The following HOXD3 variants were observed in gnomAD, a reference collection of about 807,000 sequenced individuals.
The protein encoded by HOXD3 is homeobox protein Hox-D3.
In HOXD3, 13 loss-of-function variants were observed where a neutral mutation model predicts 32.8. That is an observed-to-expected ratio of 0.40 (90% CI 0.26 to 0.63). The LOEUF (loss-of-function observed/expected upper bound fraction) is 0.63. Among genes scored for constraint, HOXD3 ranks in the 20% least tolerant of loss-of-function variants. The pLI, the probability that HOXD3 is intolerant of heterozygous loss-of-function variation, is 0.44. For missense variants in HOXD3, 504 were observed against 577.1 expected, an observed-to-expected ratio of 0.87 and a Z score of 1.30; for synonymous variants, 241 against 246.8, an observed-to-expected ratio of 0.98 and a Z score of 0.22.
At position 176,169,099 on chromosome 2, in the gene HOXD3, G is replaced by A. The variant is rs753330209; in HGVS notation, c.-16G>A. On this transcript the variant is annotated 5_prime_UTR_variant, in exon 3 of 4. Transcript: ENST00000683222. Reference sequence around the variant, plus strand: ...GCAGACATTGGAGGTGGCAGTGAAGGATACAGTGGTAGTCAATGTTATTTG... The same window carrying A: ...GCAGACATTGGAGGTGGCAGTGAAGAATACAGTGGTAGTCAATGTTATTTG... The A allele has an allele frequency of 6.5e-5, 103 of 1,585,908 alleles. 1 individual carries two copies. In the Middle Eastern group the frequency reaches 8.5e-4, roughly 13 times the overall value.
chr2:176,169,343 A>G lies in HOXD3; in HGVS notation c.229A>G (p.Arg77Gly). 1 of 1,613,914 alleles carries G rather than the reference A, an allele frequency of 6.2e-7. No individual in the cohort carries two copies. Among genetic ancestry groups the G allele is most frequent in the Non-Finnish European group, 8.5e-7 (1 of 1,179,980 alleles). Residue 77 changes from arginine (R) to glycine (G), a missense_variant, in exon 3 of 4, where the codon AGA (arginine) becomes GGA (glycine). By Grantham distance (125) the Arg-to-Gly change is moderately radical. This residue lies in a region of HOXD3 where 181 missense variants were observed against 172.2 expected (regional missense o/e 1.05). Coordinates refer to ENST00000683222, the MANE Select transcript of HOXD3 (RefSeq NM_006898.5). ...CTCCATCCAGAGCTCTGCCCCTCTG[A>G]GAGCCCCAGCCCACAAAGGAGCTGA... is the stretch of plus-strand genomic sequence containing the variant. ...ACSIQSSAPL[R>G]APAHKGAELN... is the part of the protein sequence containing the mutation.
Position 176,171,863 on chromosome 2 carries a change from G to A in HOXD3, c.888G>A (p.Ala296=). The A allele has an allele frequency of 1.2e-6, 2 of 1,600,400 alleles. No homozygotes were observed. The highest frequency in any genetic ancestry group is 1.7e-6 in the Non-Finnish European group (2 of 1,173,926). The change falls in exon 4 of 4, where the codon GCG becomes GCA. Residue 296 remains alanine, a synonymous_variant. Coordinates refer to ENST00000683222, the MANE Select transcript of HOXD3 (RefSeq NM_006898.5). The part of the protein sequence containing the change: ...LPPVPGLAYD[A]PSPPAFAKSQ... ...CAGTGCCCGGCCTGGCCTACGACGC[G>A]CCCTCGCCGCCTGCTTTCGCCAAAT...
chr2:176,158,585 T>C (rs1559136595), intron 1 of HOXD3, among the ~76,000 whole-genome samples: 1 of 152,170 alleles, frequency 6.6e-6, no homozygotes, highest in Non-Finnish European at 1.5e-5. Flanking sequence ...TGTGTGCGTG[T>C]GTGTTTGTGT....
At chr2:176,155,149 G>A (rs1244739955), upstream of HOXD3, among the ~76,000 whole-genome samples, 1 of 152,112 alleles carries the variant, frequency 6.6e-6, no homozygotes, top group Non-Finnish European at 1.5e-5. Context: ...TAGGCAAGTT[G>A]GAAAGTTGCT....
At position 176,171,596 on chromosome 2, in the gene HOXD3, G is replaced by T; in HGVS notation, c.621G>T (p.Val207=). The change falls in exon 4 of 4, where the codon GTG becomes GTT. Residue 207 remains valine (V), a synonymous_variant. Transcript: ENST00000683222. ...VRTAYTSAQL[V]ELEKEFHFNR... is the part of the protein sequence containing the mutation. ...CGGCATACACGAGCGCGCAGCTGGT[G>T]GAATTGGAAAAGGAATTCCACTTCA... is the stretch of plus-strand genomic sequence containing the variant. 2 of 1,614,098 alleles carry T rather than the reference G, an allele frequency of 1.2e-6. No homozygotes were observed. The highest frequency in any genetic ancestry group is 1.7e-6 in the Non-Finnish European group (2 of 1,179,974).
At chr2:176,171,275 A>G (rs1057162848) in intron 3 of HOXD3, among the ~76,000 whole-genome samples, 1 of 152,122 alleles carries the variant, frequency 6.6e-6, no homozygotes, top group Admixed American at 6.5e-5. Context: ...GGGCAGAGTG[A>G]ACTGGATCTC....
chr2:176,153,222 A>C, upstream of HOXD3: 1 of 457,314 alleles, frequency 2.2e-6, no homozygotes, highest in South Asian at 2.9e-5. Flanking sequence ...AACTTATGAA[A>C]ATCACCGCTC....
chr2:176,168,298 G>T (rs960933511), intron 2 of HOXD3, among the ~76,000 whole-genome samples: 30 of 150,942 alleles, frequency 2.0e-4, no homozygotes, highest in Non-Finnish European at 1.3e-4. Flanking sequence ...CTGGCGCAGT[G>T]GCTCACACCT....
At chr2:176,153,809 C>A (rs1033590880), upstream of HOXD3, among the ~76,000 whole-genome samples, 1 of 152,042 alleles carries the variant, frequency 6.6e-6, no homozygotes. Context: ...GTGCTTACAA[C>A]CAGTTCTGGG....
In HOXD3 at chr2:176,171,773, C is replaced by A. The variant is rs376325506; in HGVS notation, c.798C>A (p.Ser266=). 3.7e-6 allele frequency: 6 copies of A among 1,613,852 alleles called. No individual in the cohort carries two copies. The African/African-American group carries it at 8.0e-5, about 22-fold the overall frequency. The part of the protein sequence containing the change: ...KGILHSPASQ[S]PERSPPLGGA... Reference sequence around the variant, plus strand: ...TCCTGCACTCGCCGGCTAGCCAGTCCCCTGAGCGCAGCCCACCGCTCGGCG... The same window carrying A: ...TCCTGCACTCGCCGGCTAGCCAGTCACCTGAGCGCAGCCCACCGCTCGGCG... Residue 266 remains serine, a synonymous_variant, in exon 4 of 4, where the codon TCC becomes TCA. Transcript: ENST00000683222.
chr2:176,165,371 G>A (rs187302533), intron 2 of HOXD3: 4 of 152,396 alleles, frequency 2.6e-5, no homozygotes, highest in African/African-American at 9.6e-5. Context: ...TAAGTGCGGT[G>A]AGCAAGTATC....
chr2:176,152,603 C>T, upstream of HOXD3: 1 of 1,612,794 alleles, frequency 6.2e-7, no homozygotes, highest in South Asian at 1.1e-5. This position sits in a 1 kb window ranked among gnomAD's most constrained non-coding sequence, Gnocchi z 5.2. Flanking sequence ...TGTTTTGTCT[C>T]GCAGTGAACC....
chr2:176,163,298 A>C (rs1690863601), intron 1 of HOXD3, among the ~76,000 whole-genome samples: 1 of 151,294 alleles, frequency 6.6e-6, no homozygotes, highest in South Asian at 2.1e-4. Context: ...CAAATTGCAC[A>C]GGGCAGATGC....
In HOXD3 at chr2:176,171,497, C is replaced by T; in HGVS notation, c.542-20C>T. 6.4e-7 allele frequency: 1 copy of T among 1,560,238 alleles called. No individual in the cohort carries two copies. Among genetic ancestry groups the T allele is most frequent in the Non-Finnish European group, 8.7e-7 (1 of 1,152,110 alleles). ...CCCACCCACTCGCTCAGCGCCCTCC[C>T]TCTCTCCCTCCCTGCCCAGGAGAGA... is the stretch of plus-strand genomic sequence containing the variant. On this transcript the variant is annotated intron_variant, in intron 3 of 3. Transcript: ENST00000683222.
chr2:176,172,140 TAC>T lies in HOXD3; in HGVS notation c.1167_1168del (p.Tyr389Ter). 5 of 1,613,190 alleles carry T rather than the reference TAC, an allele frequency of 3.1e-6. No homozygotes were observed. The highest frequency in any genetic ancestry group is 4.2e-6 in the Non-Finnish European group (5 of 1,179,980). On this transcript the variant is annotated frameshift_variant, in exon 4 of 4. Transcript: ENST00000683222. LOFTEE classifies it high-confidence loss of function. ...LSHPSSASVD[Y>X]SCAAQIPGNH... ...GCACCCGTCGTCGGCCAGCGTGGAC[TAC>T]AGTTGCGCCGCGCAGATTCCAGGCA... is the stretch of plus-strand genomic sequence containing the variant.
chr2:176,162,399 T>A (rs918950270), intron 1 of HOXD3, among the ~76,000 whole-genome samples: 1 of 152,082 alleles, frequency 6.6e-6, no homozygotes, highest in Non-Finnish European at 1.5e-5. Flanking sequence ...GGATGAGGTG[T>A]AGGGTTGGGG....
At chr2:176,160,176 G>A (rs1031536356) in intron 1 of HOXD3, among the ~76,000 whole-genome samples, 1 of 152,236 alleles carries the variant, frequency 6.6e-6, no homozygotes, top group Non-Finnish European at 1.5e-5. Flanking sequence ...CCTCCGCGGC[G>A]GGGAGGCCGC....
At chr2:176,152,657 C>T (rs531230963), upstream of HOXD3, 4 of 1,614,052 alleles carry the variant, frequency 2.5e-6, no homozygotes, top group South Asian at 4.4e-5. The surrounding 1 kb of genome is among the most constrained non-coding windows in gnomAD (Gnocchi z 5.2). Context: ...GAACGGCCTA[C>T]ACCCGGCAGC....
At chr2:176,171,232 T>C (rs1403492649) in intron 3 of HOXD3, among the ~76,000 whole-genome samples, 1 of 152,096 alleles carries the variant, frequency 6.6e-6, no homozygotes, top group East Asian at 1.9e-4. Flanking sequence ...TGGGTGGGTA[T>C]GGGATGATGG....
Sources: allele counts gnomAD v4.1 joint callset (sites outside exome capture counted in the v4.1 genomes callset), GRCh38; gene constraint gnomAD v4.1.1; regional missense constraint gnomAD v4.1.1; non-coding constraint Gnocchi (gnomAD v3.1); transcripts MANE v1.5; gene names NCBI Gene and HGNC (gene_info 2026-07-23, HGNC 2026-07-21).